The following UIMC1 variants were observed in gnomAD, a reference collection of about 807,000 sequenced individuals.
UIMC1 encodes the protein BRCA1-A complex subunit RAP80.
UIMC1 carries 42 observed loss-of-function variants against 84.9 expected under a neutral mutation model. The ratio of observed to expected loss-of-function variants is 0.49; its 90% CI spans 0.39 to 0.64. The LOEUF is 0.64. UIMC1 is among the 30% of genes least tolerant of loss of function. The probability of loss-of-function intolerance (pLI) is 0.00; values close to 1 mark genes in which losing one functional copy is unlikely to be tolerated. For synonymous variants in UIMC1, 281 were observed against 293.0 expected (o/e 0.96, Z 0.42); for missense variants, 825 against 847.6 (o/e 0.97, Z 0.33).
intron 1 of UIMC1, among the ~76,000 whole-genome samples, chr5:176,992,615 A>G (rs1243547502): frequency 6.6e-6 from 1 of 151,770 alleles, no homozygotes; most frequent in Non-Finnish European, 1.5e-5. Context: ...TGGGCAAAAT[A>G]GCAAGGCCTT....
chr5:176,971,170 T>C (rs1769142402), intron 3 of UIMC1, among the ~76,000 whole-genome samples: 3 of 152,248 alleles, frequency 2.0e-5, no homozygotes, highest in Non-Finnish European at 2.9e-5. Context: ...TGGTACGTAA[T>C]AAATATCTGC....
At chr5:176,911,120 GAAAAGAA>G (rs1760113325) in intron 11 of UIMC1, among the ~76,000 whole-genome samples, 184 bp downstream of exon 11, 1 of 36,334 alleles carries the variant, frequency 2.8e-5, no homozygotes, top group Non-Finnish European at 4.6e-5. Context: ...GAGAAGAAAA[GAAAAGAA>G]AAGAAAAGAA....
chr5:176,954,389 G>C (rs188647202), intron 8 of UIMC1, among the ~76,000 whole-genome samples: 1 of 151,922 alleles, frequency 6.6e-6, no homozygotes, highest in African/African-American at 2.4e-5. Context: ...AGTGGGTATT[G>C]TTAGGCAGTA....
At chr5:177,022,206 G>A (rs1001578702) in intron 1 of UIMC1, among the ~76,000 whole-genome samples, 1 of 152,166 alleles carries the variant, frequency 6.6e-6, no homozygotes, top group Non-Finnish European at 1.5e-5. Context: ...CGAGTGAACT[G>A]TGGAAGAGGC....
intron 12 of UIMC1, among the ~76,000 whole-genome samples, chr5:176,908,132 G>C (rs1425998210): frequency 2.6e-5 from 4 of 152,012 alleles, no homozygotes; most frequent in Admixed American, 6.6e-5. Context: ...TAGATATATA[G>C]TATGTTGTGT....
At chr5:176,987,217 A>C (rs1267218265) in intron 1 of UIMC1, among the ~76,000 whole-genome samples, 1 of 151,780 alleles carries the variant, frequency 6.6e-6, no homozygotes, top group African/African-American at 2.4e-5. Flanking sequence ...GCGAAACTCC[A>C]TCTCAAAACA....
intron 1 of UIMC1, among the ~76,000 whole-genome samples, chr5:177,003,860 A>C (rs1774894628): frequency 6.6e-6 from 1 of 152,150 alleles, no homozygotes; most frequent in African/African-American, 2.4e-5. Context: ...TACTGAGACA[A>C]GGCCTCACTC....
intron 1 of UIMC1, among the ~76,000 whole-genome samples, chr5:177,015,947 G>T (rs1775659353): frequency 6.6e-6 from 1 of 152,084 alleles, no homozygotes; most frequent in Non-Finnish European, 1.5e-5. Context: ...GCGCACATCT[G>T]TAATCCCAGC....
At position 176,939,296 on chromosome 5, in the gene UIMC1, A is replaced by G. The variant is rs145685324; in HGVS notation, c.1597+4039T>C. On this transcript the variant is annotated intron_variant, in intron 10 of 14. Transcript: ENST00000511320. ...AAGAAAAAAAAAGAAAAGCTCCAAA[A>G]TATCTGGATGAATTAAAGGTAAATA... Among the ~76,000 whole-genome samples the G allele has an allele frequency of 4.6e-5, 7 of 151,994 alleles. No homozygotes were observed. The East Asian group carries it at 1.3e-3, about 29-fold the overall frequency.
intron 6 of UIMC1, among the ~76,000 whole-genome samples, chr5:176,967,668 C>G (rs1768501682): frequency 6.6e-6 from 1 of 152,122 alleles, no homozygotes; most frequent in Non-Finnish European, 1.5e-5. Context: ...TTCAGGAGAA[C>G]AAGGTAGGTG....
intron 10 of UIMC1, among the ~76,000 whole-genome samples, chr5:176,917,107 TTG>T (rs1248881921): frequency 1.3e-5 from 2 of 151,946 alleles, no homozygotes; most frequent in East Asian, 3.9e-4. Flanking sequence ...AGCCACAGAG[TTG>T]TGTCTTTTCC....
At chr5:176,936,268 A>G (rs1429889081) in intron 10 of UIMC1, among the ~76,000 whole-genome samples, 3 of 152,204 alleles carry the variant, frequency 2.0e-5, no homozygotes, top group Non-Finnish European at 4.4e-5. Flanking sequence ...CAATCCTCAT[A>G]CTAATTTTAC....
At chr5:176,906,108 C>CA in intron 13 of UIMC1, 61 bp from the exon 14 acceptor site, 1 of 1,542,600 alleles carries the variant, frequency 6.5e-7, no homozygotes, top group Non-Finnish European at 8.9e-7. Context: ...TAGCACTTCT[C>CA]ACTGATCTTT....
At chr5:176,965,325 A>G (rs937400638) in intron 6 of UIMC1, among the ~76,000 whole-genome samples, 3 of 151,606 alleles carry the variant, frequency 2.0e-5, no homozygotes, top group Non-Finnish European at 4.4e-5. Context: ...CAGGAGGCTG[A>G]GGCAGGAGAA....
intron 9 of UIMC1, among the ~76,000 whole-genome samples, chr5:176,944,603 A>G (rs1012807979): frequency 2.6e-5 from 4 of 152,232 alleles, no homozygotes; most frequent in African/African-American, 9.6e-5. Flanking sequence ...AACAAATAAA[A>G]TATCTTCTGA....
At chr5:177,013,965 G>A (rs141962032) in intron 1 of UIMC1, among the ~76,000 whole-genome samples, 1,627 of 151,140 alleles carry the variant, frequency 0.011, 10 homozygotes, top group South Asian at 0.025. Flanking sequence ...GCAAACCAAA[G>A]TTTCACACTC....
At chr5:176,946,749 C>T (rs1331844578) in intron 9 of UIMC1, among the ~76,000 whole-genome samples, 11 of 152,014 alleles carry the variant, frequency 7.2e-5, no homozygotes, top group East Asian at 5.8e-4. Context: ...GCAGGATAAT[C>T]GCTTGAACCC....
chr5:176,988,382 G>A (rs1581663003), intron 1 of UIMC1, among the ~76,000 whole-genome samples: 1 of 152,196 alleles, frequency 6.6e-6, no homozygotes, highest in East Asian at 1.9e-4. Context: ...CAACATGGAT[G>A]AACCTTGAAA....
chr5:176,943,273 T>C, intron 10 of UIMC1, 62 bp downstream of exon 10: 1 of 1,585,498 alleles, frequency 6.3e-7, no homozygotes. Context: ...CATTGTAATG[T>C]ATAGGATTAT....
Sources: allele counts gnomAD v4.1 joint callset (sites outside exome capture counted in the v4.1 genomes callset), GRCh38; gene constraint gnomAD v4.1.1; transcripts MANE v1.5; gene names NCBI Gene and HGNC (gene_info 2026-07-23, HGNC 2026-07-21).